Variants in ANKRD36 observed in about 807,000 individuals in gnomAD.
The protein encoded by ANKRD36 is ankyrin repeat domain-containing protein 36A.
Under a neutral mutation model 278.1 loss-of-function variants are expected in ANKRD36, and 179 were observed. The ratio of observed to expected loss-of-function variants is 0.64; its 90% CI spans 0.57 to 0.73. ANKRD36 has a LOEUF of 0.73. Among genes scored for constraint, ANKRD36 ranks in the 30% least tolerant of loss-of-function variants. ANKRD36 has a pLI of 0.00. For missense variants in ANKRD36, 1,159 were observed against 1,956.7 expected (o/e 0.59, Z 7.69); for synonymous variants, 320 against 641.1 (o/e 0.50, Z 7.57).
Position 97,113,719 on chromosome 2 carries a change from T to A in ANKRD36, c.-21T>A. The A allele has an allele frequency of 6.2e-7, 1 of 1,611,590 alleles. No individual in the cohort carries two copies. The highest frequency in any genetic ancestry group is 8.5e-7 in the Non-Finnish European group (1 of 1,179,806). ...GGCGAGCTGAAATACGGCTGCAGGCTACAATTTGCAGCCGACGATTATGGA... is the reference window on the plus strand; with the variant it reads ...GGCGAGCTGAAATACGGCTGCAGGCAACAATTTGCAGCCGACGATTATGGA... On this transcript the variant is annotated 5_prime_UTR_variant, in exon 1 of 76. Transcript: ENST00000420699.
chr2:97,194,002 G>A (rs2059117763), intron 38 of ANKRD36, among the ~76,000 whole-genome samples: 1 of 151,612 alleles, frequency 6.6e-6, no homozygotes, highest in Admixed American at 6.6e-5. Context: ...ATTTTACTTT[G>A]TAGAAGTATG....
chr2:97,187,557 G>T (rs1259110580), intron 32 of ANKRD36, among the ~76,000 whole-genome samples, 156 bp downstream of exon 32: 1 of 151,738 alleles, frequency 6.6e-6, no homozygotes. Context: ...ATAAATTCTT[G>T]GGTGACGCTA....
chr2:97,222,922 C>G (rs1226733261), intron 66 of ANKRD36, among the ~76,000 whole-genome samples: 1 of 151,996 alleles, frequency 6.6e-6, no homozygotes, highest in Non-Finnish European at 1.5e-5. Flanking sequence ...CATGGTATAT[C>G]AAATCAAACT....
At chr2:97,260,090 C>T (rs1199498496) in intron 75 of ANKRD36, among the ~76,000 whole-genome samples, 1 of 46,098 alleles carries the variant, frequency 2.2e-5, no homozygotes, top group African/African-American at 1.1e-4. Context: ...TCTTTAATTT[C>T]ATCTAGAATA....
intron 24 of ANKRD36, 114 bp downstream of exon 24, chr2:97,180,047 C>T: frequency 1.3e-6 from 2 of 1,488,604 alleles, no homozygotes; most frequent in African/African-American, 1.4e-5. Flanking sequence ...ATTCAGTACA[C>T]CTGAGATTCT....
intron 61 of ANKRD36, 23 bp downstream of exon 61, chr2:97,215,352 T>C (rs1475318314): frequency 6.4e-7 from 1 of 1,551,048 alleles, no homozygotes; most frequent in Admixed American, 1.9e-5. Flanking sequence ...TCATATATAT[T>C]TTGAACTATT....
At chr2:97,123,840 A>AT (rs1367754205) in intron 4 of ANKRD36, among the ~76,000 whole-genome samples, 2 of 99,520 alleles carry the variant, frequency 2.0e-5, no homozygotes, top group Non-Finnish European at 3.7e-5. Context: ...TTTTATAGAT[A>AT]ATATATAATA....
intron 3 of ANKRD36, 79 bp from the exon 4 acceptor site, chr2:97,122,808 A>T: frequency 4.5e-6 from 6 of 1,337,458 alleles, no homozygotes; most frequent in Non-Finnish European, 5.1e-6. Flanking sequence ...AGCTCACAGG[A>T]TCTTACTTAC....
At chr2:97,192,273 T>G (rs2058687119) in intron 36 of ANKRD36, among the ~76,000 whole-genome samples, 1 of 151,684 alleles carries the variant, frequency 6.6e-6, no homozygotes, top group Non-Finnish European at 1.5e-5. Context: ...TTACACCACA[T>G]GGGTGTGAGA....
chr2:97,193,020 A>G lies in ANKRD36; in HGVS notation c.2416A>G (p.Arg806Gly). The change falls in exon 38 of 76, where the codon AGA becomes GGA. Residue 806 changes from arginine to glycine, a missense_variant. Coordinates refer to ENST00000420699, the MANE Select transcript of ANKRD36 (RefSeq NM_001354587.1). The stretch of plus-strand genomic sequence containing the variant: ...GGAAGGTTCTGTTTTGAGTATAGCC[A>G]GAGAAAACAAGGATGGAGAAAAATC... ...DEEGSVLSIA[R>G]ENKDGEKSRT... is the part of the protein sequence containing the mutation. The G allele has an allele frequency of 6.4e-7, 1 of 1,572,230 alleles. No individual in the cohort carries two copies. Among genetic ancestry groups the G allele is most frequent in the Non-Finnish European group, 8.6e-7 (1 of 1,158,538 alleles).
At position 97,189,177 on chromosome 2, in the gene ANKRD36, T is replaced by A. The variant is rs553165729; in HGVS notation, c.2173-41T>A. 122 of 746,092 alleles carry A rather than the reference T, an allele frequency of 1.6e-4. 18 individuals are homozygous for A. In the African/African-American group the frequency reaches 1.6e-3, roughly 10 times the overall value. The allele number at this position is 746,092 out of a possible 1,614,324, so 46.2% of individuals were successfully genotyped here. ...TCTATAGTCTATGAAACATACTTCA[T>A]TGATTTATTTATTTATTATTTTCTT... On this transcript the variant is annotated intron_variant, in intron 33 of 75. Coordinates refer to ENST00000420699, the MANE Select transcript of ANKRD36 (RefSeq NM_001354587.1).
chr2:97,244,108 T>C, intron 70 of ANKRD36, 79 bp downstream of exon 70: 1 of 1,531,996 alleles, frequency 6.5e-7, no homozygotes, highest in Non-Finnish European at 8.8e-7. Context: ...TTAACGTATA[T>C]TATTTAGGCC....
At chr2:97,184,524 A>T (rs188597569) in intron 28 of ANKRD36, among the ~76,000 whole-genome samples, 114 of 151,880 alleles carry the variant, frequency 7.5e-4, no homozygotes, top group Non-Finnish European at 1.2e-4. Flanking sequence ...GAATCCTAAA[A>T]TGGTTATTTT....
At chr2:97,199,763 A>G (rs1304340094) in intron 44 of ANKRD36, among the ~76,000 whole-genome samples, 1 of 151,898 alleles carries the variant, frequency 6.6e-6, no homozygotes, top group Non-Finnish European at 1.5e-5. Context: ...TGTGAGAGAT[A>G]ATGAATATTA....
chr2:97,128,593 C>A (rs2039239170), intron 6 of ANKRD36, among the ~76,000 whole-genome samples: 1 of 151,930 alleles, frequency 6.6e-6, no homozygotes, highest in Non-Finnish European at 1.5e-5. Flanking sequence ...CTACCAAGAT[C>A]CTGTGTAACC....
At chr2:97,207,594 C>T (rs1264717908) in intron 52 of ANKRD36, among the ~76,000 whole-genome samples, 2 of 151,408 alleles carry the variant, frequency 1.3e-5, no homozygotes, top group African/African-American at 2.4e-5. Flanking sequence ...ACAAATCATA[C>T]CATGTTTGAA....
chr2:97,147,605 A>G (rs1177203015), intron 11 of ANKRD36, among the ~76,000 whole-genome samples: 1 of 151,944 alleles, frequency 6.6e-6, no homozygotes, highest in Non-Finnish European at 1.5e-5. Context: ...TTCTTAGTTC[A>G]AAACGCAGTC....
chr2:97,137,598 C>T (rs1270520876), intron 6 of ANKRD36, among the ~76,000 whole-genome samples: 9 of 151,736 alleles, frequency 5.9e-5, no homozygotes, highest in Non-Finnish European at 8.8e-5. Flanking sequence ...TATATACACA[C>T]ACACACACAC....
intron 6 of ANKRD36, among the ~76,000 whole-genome samples, chr2:97,138,803 T>C (rs1313507350): frequency 1.3e-5 from 2 of 151,996 alleles, no homozygotes; most frequent in Admixed American, 6.6e-5. Flanking sequence ...CATCTGATCT[T>C]TGACAAACCT....
Sources: allele counts gnomAD v4.1 joint callset (sites outside exome capture counted in the v4.1 genomes callset), GRCh38; gene constraint gnomAD v4.1.1; transcripts MANE v1.5; gene names NCBI Gene and HGNC (gene_info 2026-07-23, HGNC 2026-07-21).